The following SCARA5 variants were observed in gnomAD, a reference collection of about 807,000 sequenced individuals.
SCARA5 encodes the protein scavenger receptor class A, member 5 (putative).
A neutral mutation model predicts 46.3 loss-of-function variants in SCARA5; 45 were observed. The ratio of observed to expected loss-of-function variants is 0.97; its 90% CI spans 0.76 to 1.24. The LOEUF (loss-of-function observed/expected upper bound fraction) is 1.24, where lower values mean the gene tolerates loss of function less well. SCARA5 is among the 50% of genes most tolerant of loss of function. The probability of loss-of-function intolerance (pLI) is 0.00; values close to 1 mark genes in which losing one functional copy is unlikely to be tolerated. For missense variants in SCARA5, 680 were observed against 689.0 expected, an observed-to-expected ratio of 0.99 and a Z score of 0.15; for synonymous variants, 333 against 306.5, an observed-to-expected ratio of 1.09 and a Z score of -0.90.
At chr8:27,915,841 C>T (rs576905007) in intron 4 of SCARA5, among the ~76,000 whole-genome samples, 231 of 152,236 alleles carry the variant, frequency 1.5e-3, no homozygotes, top group African/African-American at 5.5e-3. Flanking sequence ...CCACTCCATC[C>T]AAATGCTGTG....
At position 27,872,000 on chromosome 8, in the gene SCARA5, G is replaced by A; in HGVS notation, c.1422C>T (p.Phe474=). 6.2e-7 allele frequency: 1 copy of A among 1,614,274 alleles called. No homozygotes were observed. The highest frequency in any genetic ancestry group is 1.1e-5 in the South Asian group (1 of 91,090). Residue 474 remains phenylalanine, a synonymous_variant, in exon 9 of 9, where the codon TTC becomes TTT. Transcript: ENST00000354914. ...CACAGTTTGTCACCCCCCATTTGGA[G>A]AAGCTGCAGCGGAAGATGGTTTCCT... ...GTEETIFRCS[F]SKWGVTNCGH...
intron 2 of SCARA5, among the ~76,000 whole-genome samples, chr8:27,977,547 C>CTTTTCCCATTCTCCTCATACACCAGTCAT (rs1808544535): frequency 6.6e-6 from 1 of 152,210 alleles, no homozygotes; most frequent in African/African-American, 2.4e-5. Context: ...GAGGACTTTT[C>CTTTTCCCATTCTCCTCATACACCAGTCAT]TTTTCCCATT....
chr8:27,901,002 G>A (rs1195449328), intron 7 of SCARA5, among the ~76,000 whole-genome samples: 2 of 152,010 alleles, frequency 1.3e-5, no homozygotes, highest in Non-Finnish European at 2.9e-5. Flanking sequence ...GAAAACTGGT[G>A]GGGTGGGGTT....
chr8:27,970,447 C>T (rs1250590784), intron 2 of SCARA5, among the ~76,000 whole-genome samples: 1 of 152,226 alleles, frequency 6.6e-6, no homozygotes, highest in African/African-American at 2.4e-5. Flanking sequence ...AACCCCCAGA[C>T]GTTACCACCC....
At chr8:27,872,823 C>A (rs1055036945) in intron 8 of SCARA5, among the ~76,000 whole-genome samples, 1 of 152,224 alleles carries the variant, frequency 6.6e-6, no homozygotes, top group African/African-American at 2.4e-5. Context: ...GGTGACCCAG[C>A]CCAAATACGT....
intron 7 of SCARA5, among the ~76,000 whole-genome samples, chr8:27,904,212 G>A (rs1012656663): frequency 3.3e-5 from 5 of 152,184 alleles, no homozygotes; most frequent in African/African-American, 9.7e-5. Context: ...CAAAGGCGAT[G>A]CCACTTTGTC....
intron 2 of SCARA5, among the ~76,000 whole-genome samples, chr8:27,982,348 C>G (rs888078390): frequency 1.7e-5 from 2 of 116,214 alleles, no homozygotes; most frequent in Admixed American, 1.1e-4. Flanking sequence ...GGCTGCATAT[C>G]GGGGAAACCA....
intron 3 of SCARA5, among the ~76,000 whole-genome samples, chr8:27,957,711 G>A (rs1052485220): frequency 6.6e-6 from 1 of 152,232 alleles, no homozygotes; most frequent in Non-Finnish European, 1.5e-5. Context: ...ATGCGTCTAA[G>A]TCTCAGTTTC....
chr8:27,879,898 G>T, intron 7 of SCARA5, 132 bp from the exon 8 acceptor site: 1 of 813,384 alleles, frequency 1.2e-6, no homozygotes, highest in Non-Finnish European at 1.9e-6. Context: ...CAAGACTTCA[G>T]CCCCCAAATC....
chr8:27,969,114 AAAG>A (rs1808411218), intron 2 of SCARA5, among the ~76,000 whole-genome samples: 2 of 152,242 alleles, frequency 1.3e-5, no homozygotes, highest in Non-Finnish European at 2.9e-5. Flanking sequence ...ATTGCAAGGG[AAAG>A]AAGACAATTT....
intron 3 of SCARA5, among the ~76,000 whole-genome samples, chr8:27,930,684 G>C (rs902195779): frequency 2.0e-5 from 3 of 152,318 alleles, no homozygotes; most frequent in African/African-American, 7.2e-5. Context: ...TTACAGGCGT[G>C]AGCCACCGCG....
At chr8:27,935,263 G>A (rs1781331542) in intron 3 of SCARA5, among the ~76,000 whole-genome samples, 1 of 152,192 alleles carries the variant, frequency 6.6e-6, no homozygotes, top group South Asian at 2.1e-4. Context: ...AAGCTTGGCA[G>A]TTTCTCTTGA....
intron 3 of SCARA5, among the ~76,000 whole-genome samples, chr8:27,951,303 G>A (rs2129900872): frequency 6.6e-6 from 1 of 152,290 alleles, no homozygotes; most frequent in African/African-American, 2.4e-5. Context: ...GAGCAGGAGG[G>A]CAGTGTGGGA....
chr8:27,977,557 TCTC>T lies in SCARA5; in HGVS notation c.112+9944_112+9946del, dbSNP rs1585524377. Among the ~76,000 whole-genome samples, 5 of 152,294 alleles carry T rather than the reference TCTC, an allele frequency of 3.3e-5. No individual in the cohort carries two copies. The East Asian group carries it at 9.7e-4, about 29-fold the overall frequency. On this transcript the variant is annotated intron_variant, in intron 2 of 8. Coordinates refer to ENST00000354914, the MANE Select transcript of SCARA5 (RefSeq NM_173833.6). ...CCCATGAGGACTTTTCTTTTCCCAT[TCTC>T]CTCATACACCAGTCATATGCCAGGG... is the stretch of plus-strand genomic sequence containing the variant.
intron 3 of SCARA5, among the ~76,000 whole-genome samples, chr8:27,954,837 G>A (rs1417086952): frequency 6.6e-6 from 1 of 152,176 alleles, no homozygotes; most frequent in South Asian, 2.1e-4. Flanking sequence ...AGTGTTAATT[G>A]GTAAATAAGC....
At position 27,922,074 on chromosome 8, in the gene SCARA5, G is replaced by A. The variant is rs763354115; in HGVS notation, c.413C>T (p.Ser138Leu). The A allele has an allele frequency of 2.5e-6, 4 of 1,596,230 alleles. No homozygotes were observed. Among genetic ancestry groups the A allele is most frequent in the Non-Finnish European group, 3.4e-6 (4 of 1,173,636 alleles). Residue 138 changes from serine to leucine, a missense_variant, in exon 4 of 9, where the codon TCG (serine) becomes TTG (leucine). Transcript: ENST00000354914. ...VQDALQNQSD[S>L]LLALAGAVQR... is the part of the protein sequence containing the mutation. ...CACTGCGCCCGCCAGCGCCAGCAAC[G>A]AGTCTGACTGGTTCTGCAGCGCGTC...
intron 3 of SCARA5, among the ~76,000 whole-genome samples, chr8:27,922,911 G>A (rs1200752757): frequency 6.6e-6 from 1 of 152,186 alleles, no homozygotes; most frequent in Non-Finnish European, 1.5e-5. Flanking sequence ...ACACATAGAA[G>A]GCACCATCCA....
intron 7 of SCARA5, among the ~76,000 whole-genome samples, chr8:27,900,279 C>T (rs1355562181): frequency 6.6e-6 from 1 of 152,232 alleles, no homozygotes; most frequent in African/African-American, 2.4e-5. Flanking sequence ...AAAGTCTAGG[C>T]ACAGGGATGG....
At position 27,959,680 on chromosome 8, in the gene SCARA5, A is replaced by G. The variant is rs117350301; in HGVS notation, c.241+6734T>C. ...GATGAGGAGAATGCCTTGTTATGAT[A>G]TGATTTGTTCCGGCAAGAAGAACTA... On this transcript the variant is annotated intron_variant, in intron 3 of 8. Transcript: ENST00000354914. Among the ~76,000 whole-genome samples the G allele has an allele frequency of 3.9e-5, 6 of 152,360 alleles. No homozygotes were observed. In the East Asian group the frequency reaches 1.2e-3, roughly 29 times the overall value.
Sources: gnomAD v4.1 joint callset for allele counts (sites outside exome capture counted in the v4.1 genomes callset) on GRCh38, gnomAD v4.1.1 for gene constraint, MANE v1.5 for transcripts, NCBI Gene and HGNC (gene_info 2026-07-23, HGNC 2026-07-21) for gene names.